ADRA1A: variants seen among roughly 807,000 people sequenced by gnomAD.
ADRA1A encodes the protein adrenoceptor alpha 1A.
ADRA1A carries 31 observed loss-of-function variants against 29.6 expected under a neutral mutation model. That is an observed-to-expected ratio of 1.05 (90% CI 0.79 to 1.41). The LOEUF is 1.41. Ranked by LOEUF, ADRA1A falls within the 40% of genes most tolerant of loss-of-function variation. The pLI is 0.00. For missense variants in ADRA1A, 619 were observed against 601.1 expected, an observed-to-expected ratio of 1.03 and a Z score of -0.31; for synonymous variants, 311 against 254.3, an observed-to-expected ratio of 1.22 and a Z score of -2.12.
exon 3 of ADRA1A, chr8:26,756,572 A>G: frequency 6.5e-7 from 1 of 1,550,094 alleles, no homozygotes; most frequent in Non-Finnish European, 8.7e-7. Flanking sequence ...TGTATCAGTA[A>G]CAGTAACATG....
chr8:26,800,391 G>C (rs1334148985), intron 2 of ADRA1A, among the ~76,000 whole-genome samples: 1 of 152,146 alleles, frequency 6.6e-6, no homozygotes, highest in Non-Finnish European at 1.5e-5. Context: ...TTCAAAAACA[G>C]TATAAAAATA....
chr8:26,852,921 T>C (rs1812741633), intron 2 of ADRA1A, among the ~76,000 whole-genome samples: 1 of 152,134 alleles, frequency 6.6e-6, no homozygotes. Context: ...AAGTGAAATA[T>C]TTCCTGTGAT....
chr8:26,806,300 ATTT>A lies in ADRA1A; in HGVS notation c.884-35637_884-35635del. Among the ~76,000 whole-genome samples, 1 of 141,932 alleles carries A rather than the reference ATTT, an allele frequency of 7.0e-6. No homozygotes were observed. Among genetic ancestry groups the A allele is most frequent in the African/African-American group, 2.6e-5 (1 of 39,162 alleles). The allele number at this position is 141,932 out of a possible 152,430, so 93.1% of individuals were successfully genotyped here. ...CAGAAGCTGGGTGTTTACACCAAAG[ATTT>A]TTTTTTTTTTTTCGAAAGCTGCCTT... On this transcript the variant is annotated intron_variant, in intron 2 of 2. Transcript: ENST00000380573. This position sits in a 1 kb window ranked among gnomAD's most constrained non-coding sequence, Gnocchi z 4.6.
chr8:26,854,640 G>C (rs1812891281), intron 2 of ADRA1A: 1 of 152,222 alleles, frequency 6.6e-6, no homozygotes, highest in Non-Finnish European at 1.5e-5. Context: ...TTGTTCACAG[G>C]GCTGCAGGGA....
At chr8:26,840,434 C>T (rs1811735655) in intron 2 of ADRA1A, among the ~76,000 whole-genome samples, 1 of 152,236 alleles carries the variant, frequency 6.6e-6, no homozygotes, top group African/African-American at 2.4e-5. Flanking sequence ...ATACAAACAA[C>T]ATGATGCAAA....
In ADRA1A at chr8:26,769,799, C is replaced by G; in HGVS notation, c.*350G>C. ...TAGCTCCAAACTTAGAGTGTGTGCT[C>G]AAAATATTCATGATGAAATCATAAT... is the stretch of plus-strand genomic sequence containing the variant. On this transcript the variant is annotated 3_prime_UTR_variant, in exon 3 of 3. Coordinates refer to ENST00000380573, the MANE Select transcript of ADRA1A (RefSeq NM_000680.4). The G allele has an allele frequency of 9.8e-7, 1 of 1,018,438 alleles. No homozygotes were observed. The highest frequency in any genetic ancestry group is 1.2e-6 in the Non-Finnish European group (1 of 852,388). The allele number at this position is 1,018,438 out of a possible 1,614,324, so 63.1% of individuals were successfully genotyped here.
At chr8:26,826,788 G>A (rs1039388298) in intron 2 of ADRA1A, among the ~76,000 whole-genome samples, 2 of 152,060 alleles carry the variant, frequency 1.3e-5, no homozygotes, top group African/African-American at 4.8e-5. Flanking sequence ...CTAGGGCGAG[G>A]GTCTCCCAGT....
intron 2 of ADRA1A, among the ~76,000 whole-genome samples, chr8:26,850,184 C>A (rs1812522919): frequency 6.6e-6 from 1 of 151,806 alleles, no homozygotes; most frequent in African/African-American, 2.4e-5. Context: ...TGAAAAGTTA[C>A]CCCAAACAGA....
chr8:26,828,626 T>C (rs749585173), intron 2 of ADRA1A, among the ~76,000 whole-genome samples: 5 of 152,240 alleles, frequency 3.3e-5, no homozygotes, highest in Non-Finnish European at 7.3e-5. Flanking sequence ...TCTGTTAATT[T>C]TATTTTTCTG....
chr8:26,782,435 G>A lies in ADRA1A; in HGVS notation c.884-11769C>T, dbSNP rs554611086. On this transcript the variant is annotated intron_variant, in intron 2 of 2. Transcript: ENST00000380573. The stretch of plus-strand genomic sequence containing the variant: ...ATTTTAACACGCAGAAAGGGATTGG[G>A]GCAATTTCCTCTTTAATTTTAAAAG... 8.1e-4 allele frequency among the ~76,000 whole-genome samples: 123 copies of A among 152,216 alleles called. 1 individual carries two copies. Among genetic ancestry groups the A allele is most frequent in the African/African-American group, 2.8e-3 (117 of 41,534 alleles).
At chr8:26,819,196 G>A (rs1809979786) in intron 2 of ADRA1A, among the ~76,000 whole-genome samples, 1 of 152,104 alleles carries the variant, frequency 6.6e-6, no homozygotes, top group South Asian at 2.1e-4. Flanking sequence ...GAAAAAGACT[G>A]CCAACAAAGC....
At chr8:26,798,502 C>T (rs1475727643) in intron 2 of ADRA1A, among the ~76,000 whole-genome samples, 1 of 152,178 alleles carries the variant, frequency 6.6e-6, no homozygotes, top group Admixed American at 6.5e-5. Context: ...TGCTTATTCT[C>T]ATTTACTTTT....
intron 2 of ADRA1A, among the ~76,000 whole-genome samples, chr8:26,803,441 A>G (rs1808745656): frequency 6.6e-6 from 1 of 152,222 alleles, no homozygotes; most frequent in South Asian, 2.1e-4. Flanking sequence ...ATTTGTATGG[A>G]GTCTGAACAT....
chr8:26,833,625 C>T lies in ADRA1A; in HGVS notation c.883+30462G>A, dbSNP rs188046514. On this transcript the variant is annotated intron_variant, in intron 2 of 2. Transcript: ENST00000380573. ...AACATGTAGGAACCTGATAAGTAGACATACAATCAGTCCCTAAATCCCACC... is the reference window on the plus strand; with the variant it reads ...AACATGTAGGAACCTGATAAGTAGATATACAATCAGTCCCTAAATCCCACC... Among the ~76,000 whole-genome samples, 13 of 152,350 alleles carry T rather than the reference C, an allele frequency of 8.5e-5. No homozygotes were observed. In the East Asian group the frequency reaches 2.5e-3, roughly 29 times the overall value.
At chr8:26,757,512 T>TCCC (rs1428337716) in intron 2 of ADRA1A, among the ~76,000 whole-genome samples, 8 of 147,572 alleles carry the variant, frequency 5.4e-5, no homozygotes, top group African/African-American at 1.3e-4. Context: ...TGCTTCCATT[T>TCCC]CCCCCACCCC....
intron 2 of ADRA1A, among the ~76,000 whole-genome samples, chr8:26,828,532 A>G (rs535554068): frequency 5.3e-5 from 8 of 152,358 alleles, no homozygotes; most frequent in African/African-American, 1.9e-4. Flanking sequence ...CCAGAGAGCA[A>G]GCTCTATCAG....
intron 2 of ADRA1A, among the ~76,000 whole-genome samples, chr8:26,827,723 C>G (rs1036931149): frequency 6.6e-6 from 1 of 152,094 alleles, no homozygotes; most frequent in Non-Finnish European, 1.5e-5. Context: ...ACACGAATCC[C>G]AAACATCAGC....
rs1398236960 is a variant in ADRA1A at position 26,863,580 on chromosome 8, T to C, written c.883+507A>G. Among the ~76,000 whole-genome samples, 3 of 152,290 alleles carry C rather than the reference T, an allele frequency of 2.0e-5. No individual in the cohort carries two copies. The East Asian group carries it at 5.8e-4, about 29-fold the overall frequency. Reference sequence around the variant, plus strand: ...CCAGAAAATAAAATTAGCACAGATATAGAACATAAACAGACCATTATAACA... The same window carrying C: ...CCAGAAAATAAAATTAGCACAGATACAGAACATAAACAGACCATTATAACA... On this transcript the variant is annotated intron_variant, in intron 2 of 2. Coordinates refer to ENST00000380573, the MANE Select transcript of ADRA1A (RefSeq NM_000680.4).
At position 26,782,186 on chromosome 8, in the gene ADRA1A, T is replaced by C. The variant is rs555714170; in HGVS notation, c.884-11520A>G. On this transcript the variant is annotated intron_variant, in intron 2 of 2. Transcript: ENST00000380573. The stretch of plus-strand genomic sequence containing the variant: ...GCCTGGATTAAGCTAGGGATGAAGA[T>C]TGGCTATAGGTCTCTGCTCTTTCTC... Among the ~76,000 whole-genome samples the C allele has an allele frequency of 1.3e-4, 20 of 152,306 alleles. No individual in the cohort carries two copies. In the South Asian group the frequency reaches 4.1e-3, roughly 32 times the overall value.
Sources: allele counts gnomAD v4.1 joint callset (sites outside exome capture counted in the v4.1 genomes callset), GRCh38; gene constraint gnomAD v4.1.1; non-coding constraint Gnocchi (gnomAD v3.1); transcripts MANE v1.5; gene names NCBI Gene and HGNC (gene_info 2026-07-23, HGNC 2026-07-21).